The following CLEC4G variants were observed in gnomAD, a reference collection of about 807,000 sequenced individuals.
The protein encoded by CLEC4G is C-type lectin superfamily 4, member G.
CLEC4G carries 34 observed loss-of-function variants against 37.0 expected under a neutral mutation model. The ratio of observed to expected loss-of-function variants is 0.92; its 90% CI spans 0.70 to 1.22. The LOEUF is 1.22. Ranked by LOEUF, CLEC4G falls within the 50% of genes most tolerant of loss-of-function variation. The pLI is 0.00. For synonymous variants in CLEC4G, 167 were observed against 165.6 expected, an observed-to-expected ratio of 1.01 and a Z score of -0.06; for missense variants, 390 against 392.9, an observed-to-expected ratio of 0.99 and a Z score of 0.06.
In CLEC4G at chr19:7,730,000, GC is replaced by G. The variant is rs1295608705; in HGVS notation, c.627+18del. On this transcript the variant is annotated intron_variant, in intron 7 of 8. Coordinates refer to ENST00000328853, the MANE Select transcript of CLEC4G (RefSeq NM_198492.4). ...CCGCCCTGCCCCACCGCCTGACCACGCCCCCTCCCCCTGCGCACCTGCTCAT... is the reference window on the plus strand; with the variant it reads ...CCGCCCTGCCCCACCGCCTGACCACGCCCCTCCCCCTGCGCACCTGCTCAT... 2.5e-6 allele frequency: 4 copies of G among 1,583,652 alleles called. No individual in the cohort carries two copies. Among genetic ancestry groups the G allele is most frequent in the Non-Finnish European group, 3.4e-6 (4 of 1,161,212 alleles).
At position 7,730,857 on chromosome 19, in the gene CLEC4G, A is replaced by G; in HGVS notation, c.286T>C (p.Ser96Pro). The change falls in exon 5 of 9, where the codon TCG becomes CCG. Residue 96 changes from serine (S) to proline (P), a missense_variant and splice_region_variant. Transcript: ENST00000328853. This position sits in a 1 kb window ranked among gnomAD's most constrained non-coding sequence, Gnocchi z 7.3. Reference protein sequence around the residue: ...EEVGDCHSCCSGTQAQLQTTR... With the variant: ...EEVGDCHSCCPGTQAQLQTTR... ...GTCTGCAGCTGCGCCTGCGTCCCCG[A>G]GCCTGGGAGCCGCAGGGTGAGAGGG... 6.5e-7 allele frequency: 1 copy of G among 1,529,104 alleles called. No homozygotes were observed. The highest frequency in any genetic ancestry group is 8.7e-7 in the Non-Finnish European group (1 of 1,144,830). The allele number at this position is 1,529,104 out of a possible 1,614,324, so 94.7% of individuals were successfully genotyped here. A position where few individuals can be genotyped will look rare whatever the true frequency, so the allele number is the denominator to read the frequency against.
Position 7,730,549 on chromosome 19 carries a change from A to T in CLEC4G, c.389-109T>A. 6.7e-7 allele frequency: 1 copy of T among 1,494,530 alleles called. No individual in the cohort carries two copies. The highest frequency in any genetic ancestry group is 1.3e-5 in the South Asian group (1 of 77,126). The allele number at this position is 1,494,530 out of a possible 1,614,324, so 92.6% of individuals were successfully genotyped here. ...CTGTGGTCATTGTACCCTCGGTGCC[A>T]GCGTCCAGGATGGCACAGGGTCAAG... is the stretch of plus-strand genomic sequence containing the variant. On this transcript the variant is annotated intron_variant, in intron 5 of 8. Transcript: ENST00000328853. The surrounding 1 kb of genome is among the most constrained non-coding windows in gnomAD (Gnocchi z 7.3).
intron 8 of CLEC4G, 94 bp from the exon 9 acceptor site, chr19:7,729,598 G>T (rs1247854836): frequency 8.3e-7 from 1 of 1,209,078 alleles, no homozygotes; most frequent in Non-Finnish European, 1.2e-6. Context: ...CCTGTTTATT[G>T]CTTGGGTCTA....
chr19:7,729,991 C>A, intron 7 of CLEC4G, 28 bp downstream of exon 7: 1 of 1,602,652 alleles, frequency 6.2e-7, no homozygotes, highest in Non-Finnish European at 8.5e-7. Flanking sequence ...TGCCCCACCG[C>A]CTGACCACGC....
In CLEC4G at chr19:7,730,418, G is replaced by C. The variant is rs1457233418; in HGVS notation, c.411C>G (p.Ala137=). 1 of 1,601,806 alleles carries C rather than the reference G, an allele frequency of 6.2e-7. No individual in the cohort carries two copies. Among genetic ancestry groups the C allele is most frequent in the South Asian group, 1.1e-5 (1 of 91,070 alleles). Residue 137 remains alanine, a synonymous_variant, in exon 6 of 9, where the codon GCC becomes GCG. Coordinates refer to ENST00000328853, the MANE Select transcript of CLEC4G (RefSeq NM_198492.4). The surrounding 1 kb of genome is among the most constrained non-coding windows in gnomAD (Gnocchi z 7.3). ...TGCGGACGTCCTCACGGCCCCTGCC[G>C]GCTTCAGCCAAGCCCTGGGTCACTG... is the stretch of plus-strand genomic sequence containing the variant. ...RERVTQGLAE[A]GRGREDVRTE...
At position 7,731,746 on chromosome 19, in the gene CLEC4G, C is replaced by T. The variant is rs911372657; in HGVS notation, c.81G>A (p.Trp27Ter). Residue 27 changes from tryptophan (W) to a stop codon, truncating the protein, a stop_gained, in exon 2 of 9, where the codon TGG becomes TGA. Coordinates refer to ENST00000328853, the MANE Select transcript of CLEC4G (RefSeq NM_198492.4). LOFTEE classifies it high-confidence loss of function. Reference protein sequence around the residue: ...PGGPWGRWVHWSRRPLFLALA... With the variant: ...PGGPWGRWVH ...GGGCCAAGAAGAGGGGTCTCCTGCT[C>T]CAGTGCACCCAGCGTCCCCAGGGCC... The T allele has an allele frequency of 6.2e-7, 1 of 1,614,000 alleles. No homozygotes were observed. Among genetic ancestry groups the T allele is most frequent in the Non-Finnish European group, 8.5e-7 (1 of 1,179,980 alleles).
intron 1 of CLEC4G, 34 bp downstream of exon 1, chr19:7,732,014 T>C (rs756572665): frequency 6.4e-7 from 1 of 1,555,684 alleles, no homozygotes; most frequent in South Asian, 1.1e-5. Flanking sequence ...CCCCAGACAC[T>C]GGGGCAGGGA....
Position 7,729,937 on chromosome 19 carries a change from C to A in CLEC4G, c.628-1G>T. The A allele has an allele frequency of 6.2e-7, 1 of 1,613,902 alleles. No homozygotes were observed. The highest frequency in any genetic ancestry group is 8.5e-7 in the Non-Finnish European group (1 of 1,179,926). On this transcript the variant is annotated splice_acceptor_variant, in intron 7 of 8. Coordinates refer to ENST00000328853, the MANE Select transcript of CLEC4G (RefSeq NM_198492.4). LOFTEE classifies it high-confidence loss of function. ...CACGCGTGTTCCGAGTGAGGAAGCC[C>A]TAGAAAGGAGGGGACATCTGAGCCT...
chr19:7,731,834 C>A, intron 1 of CLEC4G, 63 bp from the exon 2 acceptor site: 1 of 1,563,194 alleles, frequency 6.4e-7, no homozygotes, highest in South Asian at 1.2e-5. Flanking sequence ...CTGAGTTACT[C>A]CCAGGAAACT....
Position 7,729,901 on chromosome 19 carries a change from G to A in CLEC4G, c.663C>T (p.Tyr221=), listed in dbSNP as rs2033400721. 6.2e-7 allele frequency: 1 copy of A among 1,614,152 alleles called. No homozygotes were observed. The part of the protein sequence containing the change: ...FLTRNTRGRG[Y]WLGLRAVRHL... ...GGCGCACAGCCCTCAGGCCCAGCCA[G>A]TAACCACGGCCACGCGTGTTCCGAG... Residue 221 remains tyrosine, a synonymous_variant, in exon 8 of 9, where the codon TAC becomes TAT. Transcript: ENST00000328853.
rs2033408145 is a variant in CLEC4G, at chr19:7,730,281, G to A, written c.478+70C>T. The A allele has an allele frequency of 7.6e-6, 12 of 1,574,394 alleles. No individual in the cohort carries two copies. The highest frequency in any genetic ancestry group is 1.0e-5 in the Non-Finnish European group (12 of 1,163,388). On this transcript the variant is annotated intron_variant, in intron 6 of 8. Transcript: ENST00000328853. The surrounding 1 kb of genome is among the most constrained non-coding windows in gnomAD (Gnocchi z 7.3). Reference sequence around the variant, plus strand: ...CTCAGGGGTGGAGACACAGAACCAGGCCAAGGTCCAGGAGTGACAGGGTCC... The same window carrying A: ...CTCAGGGGTGGAGACACAGAACCAGACCAAGGTCCAGGAGTGACAGGGTCC...
In CLEC4G at chr19:7,731,061, G is replaced by T; in HGVS notation, c.248C>A (p.Ala83Asp). Residue 83 changes from alanine (A) to aspartate (D), a missense_variant, in exon 4 of 9, where the codon GCC (alanine) becomes GAC (aspartate). Physicochemically the swap from Ala to Asp is moderately radical, Grantham distance 126. Coordinates refer to ENST00000328853, the MANE Select transcript of CLEC4G (RefSeq NM_198492.4). Reference sequence around the variant, plus strand: ...GCAGTCTCCGACCTCCTCCTTCAGGGCACCCAGCGCCGCCGTCTGCTTCGA... The same window carrying T: ...GCAGTCTCCGACCTCCTCCTTCAGGTCACCCAGCGCCGCCGTCTGCTTCGA... ...NASKQTAALG[A>D]LKEEVGDCHS... is the part of the protein sequence containing the mutation. The T allele has an allele frequency of 6.2e-7, 1 of 1,605,742 alleles. No homozygotes were observed.
At position 7,730,155 on chromosome 19, in the gene CLEC4G, G is replaced by A; in HGVS notation, c.491C>T (p.Pro164Leu). The A allele has an allele frequency of 1.2e-6, 2 of 1,612,504 alleles. No individual in the cohort carries two copies. Among genetic ancestry groups the A allele is most frequent in the Non-Finnish European group, 8.5e-7 (1 of 1,179,548 alleles). Residue 164 changes from proline (P) to leucine (L), a missense_variant, in exon 7 of 9, where the codon CCG (proline) becomes CTG (leucine). Pro to Leu is a moderately conservative substitution (Grantham distance 98). Transcript: ENST00000328853. The surrounding 1 kb of genome is among the most constrained non-coding windows in gnomAD (Gnocchi z 7.3). ...AVRLQNNSCE[P>L]CPTSWLSFEG... ...GAAGGACAGCCACGACGTGGGGCAC[G>A]GCTCGCAGGAGTCTGCGGGGTGGCG...
rs1303907765 is a variant in CLEC4G, at chr19:7,729,213, C to G, written c.*153G>C. On this transcript the variant is annotated 3_prime_UTR_variant, in exon 9 of 9. Coordinates refer to ENST00000328853, the MANE Select transcript of CLEC4G (RefSeq NM_198492.4). The stretch of plus-strand genomic sequence containing the variant: ...CCCAGAGCCCAGGCACTGGGCTGGA[C>G]AGGGCTATGTTGGGCCAAGTGTTTC... 2.8e-6 allele frequency: 2 copies of G among 708,050 alleles called. No homozygotes were observed. Among genetic ancestry groups the G allele is most frequent in the Non-Finnish European group, 5.1e-6 (2 of 389,036 alleles). The allele number at this position is 708,050 out of a possible 1,614,324, so 43.9% of individuals were successfully genotyped here.
rs2033413035 is a variant in CLEC4G, at chr19:7,730,540, C to G, written c.389-100G>C. The G allele has an allele frequency of 1.1e-5, 17 of 1,509,488 alleles. No homozygotes were observed. The East Asian group carries it at 4.0e-4, about 35-fold the overall frequency. 93.5% of individuals were successfully genotyped at this position (1,509,488 alleles called of 1,614,324 possible). ...GACCCCTGTCTGTGGTCATTGTACCCTCGGTGCCAGCGTCCAGGATGGCAC... is the reference window on the plus strand; with the variant it reads ...GACCCCTGTCTGTGGTCATTGTACCGTCGGTGCCAGCGTCCAGGATGGCAC... On this transcript the variant is annotated intron_variant, in intron 5 of 8. Coordinates refer to ENST00000328853, the MANE Select transcript of CLEC4G (RefSeq NM_198492.4). The surrounding 1 kb of genome is among the most constrained non-coding windows in gnomAD (Gnocchi z 7.3).
At position 7,729,466 on chromosome 19, in the gene CLEC4G, C is replaced by T. The variant is rs547480428; in HGVS notation, c.782G>A (p.Arg261His). The T allele has an allele frequency of 3.8e-5, 61 of 1,604,604 alleles. No homozygotes were observed. Among genetic ancestry groups the T allele is most frequent in the East Asian group, 3.6e-4 (16 of 44,808 alleles). The change falls in exon 9 of 9, where the codon CGC (arginine) becomes CAC (histidine). Residue 261 changes from arginine to histidine, a missense_variant. Physicochemically the swap from Arg to His is conservative, Grantham distance 29. Transcript: ENST00000328853. ...NQGEPNDAWG[R>H]ENCVMMLHTG... ...GTGCAGCATCATGACACAGTTCTCG[C>T]GCCCCCAAGCGTCATTGGGCTCTCC... is the stretch of plus-strand genomic sequence containing the variant.
intron 3 of CLEC4G, 24 bp from the exon 4 acceptor site, chr19:7,731,112 T>C (rs1300782486): frequency 6.2e-7 from 1 of 1,604,732 alleles, no homozygotes; most frequent in South Asian, 1.1e-5. Flanking sequence ...CGCCCCAAAA[T>C]GCATGCCCCT....
In CLEC4G at chr19:7,729,588, C is replaced by A. The variant is rs984928010; in HGVS notation, c.744-84G>T. The A allele has an allele frequency of 5.6e-6, 7 of 1,243,966 alleles. No homozygotes were observed. The Admixed American group carries it at 1.5e-4, about 26-fold the overall frequency. 77.1% of individuals were successfully genotyped at this position (1,243,966 alleles called of 1,614,324 possible). On this transcript the variant is annotated intron_variant, in intron 8 of 8. Transcript: ENST00000328853. ...TCCCGCCTTCCTCTTCAGGCTCTAG[C>A]CTGTTTATTGCTTGGGTCTACTCTA...
In CLEC4G at chr19:7,730,344, C is replaced by T. The variant is rs756468822; in HGVS notation, c.478+7G>A. 17 of 1,598,380 alleles carry T rather than the reference C, an allele frequency of 1.1e-5. No individual in the cohort carries two copies. Among genetic ancestry groups the T allele is most frequent in the Admixed American group, 1.7e-5 (1 of 58,954 alleles). On this transcript the variant is annotated splice_region_variant and intron_variant, in intron 6 of 8. Transcript: ENST00000328853. The surrounding 1 kb of genome is among the most constrained non-coding windows in gnomAD (Gnocchi z 7.3). Reference sequence around the variant, plus strand: ...ACAGCCCGCCCCCGACCCCCCGTCTCGCTCACTGTTCTGGAGCCTCACGGC... The same window carrying T: ...ACAGCCCGCCCCCGACCCCCCGTCTTGCTCACTGTTCTGGAGCCTCACGGC...
Sources: allele counts gnomAD v4.1 joint callset, GRCh38; gene constraint gnomAD v4.1.1; non-coding constraint Gnocchi (gnomAD v3.1); transcripts MANE v1.5; gene names NCBI Gene and HGNC (gene_info 2026-07-23, HGNC 2026-07-21).